The following ROR2 variants were observed in gnomAD, a reference collection of about 807,000 sequenced individuals.
ROR2 encodes tyrosine-protein kinase transmembrane receptor ROR2.
ROR2 carries 33 observed loss-of-function variants against 74.9 expected under a neutral mutation model. The ratio of observed to expected loss-of-function variants is 0.44; its 90% CI spans 0.33 to 0.59. The LOEUF (loss-of-function observed/expected upper bound fraction) is 0.59, where lower values mean the gene tolerates loss of function less well. Among genes scored for constraint, ROR2 ranks in the 20% least tolerant of loss-of-function variants. ROR2 has a pLI of 0.02. For synonymous variants in ROR2, 586 were observed against 558.7 expected, an observed-to-expected ratio of 1.05 and a Z score of -0.69; for missense variants, 1,216 against 1,313.8, an observed-to-expected ratio of 0.93 and a Z score of 1.15.
At position 91,723,972 on chromosome 9, in the gene ROR2, T is replaced by C; in HGVS notation, c.2522A>G (p.Gln841Arg). 1 of 1,613,160 alleles carries C rather than the reference T, an allele frequency of 6.2e-7. No individual in the cohort carries two copies. Among genetic ancestry groups the C allele is most frequent in the Non-Finnish European group, 8.5e-7 (1 of 1,180,024 alleles). ...CTGCGGGGCCATCTGCATTGGGATC[T>C]GCACCGGGTAGAAGTTGGGCAGGTA... ...GAYLPNFYPV[Q>R]IPMQMAPQQV... Residue 841 changes from glutamine to arginine, a missense_variant, in exon 9 of 9, where the codon CAG becomes CGG. Gln to Arg is a conservative substitution (Grantham distance 43). Coordinates refer to ENST00000375708, the MANE Select transcript of ROR2 (RefSeq NM_004560.4).
intron 4 of ROR2, among the ~76,000 whole-genome samples, chr9:91,751,321 C>A (rs768515944): frequency 6.6e-6 from 1 of 152,164 alleles, no homozygotes; most frequent in Non-Finnish European, 1.5e-5. Context: ...AAGGTCTCCA[C>A]ATCAACCTCC....
At chr9:91,744,786 GA>G (rs1825355692) in intron 4 of ROR2, among the ~76,000 whole-genome samples, 1 of 152,222 alleles carries the variant, frequency 6.6e-6, no homozygotes, top group Non-Finnish European at 1.5e-5. Context: ...CAGAGGCAGA[GA>G]AGACAATGGC....
intron 1 of ROR2, among the ~76,000 whole-genome samples, chr9:91,787,066 G>C (rs534372491): frequency 6.0e-4 from 91 of 152,318 alleles, no homozygotes; most frequent in African/African-American, 2.0e-3. Flanking sequence ...CCTGAAGCTG[G>C]ACAGCATGTC....
chr9:91,927,562 CTTTT>C (rs775823582), intron 1 of ROR2, among the ~76,000 whole-genome samples: 6 of 94,942 alleles, frequency 6.3e-5, no homozygotes, highest in Admixed American at 1.4e-4. Flanking sequence ...TTTCTAGATT[CTTTT>C]TTTTTTTTTT....
chr9:91,752,162 CAGG>C (rs1825613270), intron 4 of ROR2, among the ~76,000 whole-genome samples: 1 of 152,166 alleles, frequency 6.6e-6, no homozygotes, highest in Non-Finnish European at 1.5e-5. Flanking sequence ...AAAAAGAGTT[CAGG>C]AGAAGGCCCA....
intron 1 of ROR2, among the ~76,000 whole-genome samples, chr9:91,897,326 A>C (rs140891558): frequency 6.6e-6 from 1 of 152,398 alleles, no homozygotes; most frequent in Non-Finnish European, 1.5e-5. Flanking sequence ...AAGGGGAAGC[A>C]GGGAAGACAT....
At chr9:91,792,395 G>A (rs1174919834) in intron 1 of ROR2, among the ~76,000 whole-genome samples, 7 of 133,024 alleles carry the variant, frequency 5.3e-5, no homozygotes, top group African/African-American at 8.9e-5. Flanking sequence ...GCAAGCTCCC[G>A]CCTCCCGGGT....
intron 2 of ROR2, among the ~76,000 whole-genome samples, chr9:91,764,663 C>CA (rs1257335515): frequency 1.3e-5 from 2 of 152,004 alleles, no homozygotes; most frequent in Admixed American, 6.6e-5. Flanking sequence ...TTTTTACTGT[C>CA]AGAGTATTTT....
At chr9:91,739,868 A>T (rs2118742413) in intron 4 of ROR2, among the ~76,000 whole-genome samples, 1 of 152,342 alleles carries the variant, frequency 6.6e-6, no homozygotes, top group Admixed American at 6.5e-5. Flanking sequence ...CACTACCAAC[A>T]TAAATGGAAG....
At chr9:91,746,978 C>T (rs1433441108) in intron 4 of ROR2, among the ~76,000 whole-genome samples, 3 of 152,014 alleles carry the variant, frequency 2.0e-5, no homozygotes, top group African/African-American at 4.8e-5. Context: ...GCTCTGACTT[C>T]GGGAAGGCAG....
intron 2 of ROR2, among the ~76,000 whole-genome samples, chr9:91,773,200 C>T (rs1200759538): frequency 6.6e-6 from 1 of 152,130 alleles, no homozygotes; most frequent in Non-Finnish European, 1.5e-5. Context: ...AGGTTTGCAG[C>T]GCATCTGAAA....
chr9:91,891,826 T>G (rs954583443), intron 1 of ROR2, among the ~76,000 whole-genome samples: 1 of 151,692 alleles, frequency 6.6e-6, no homozygotes, highest in African/African-American at 2.4e-5. Flanking sequence ...GACGGGAGAA[T>G]CACTTGAGGT....
chr9:91,734,472 T>C (rs947681218), intron 5 of ROR2, among the ~76,000 whole-genome samples: 3 of 152,070 alleles, frequency 2.0e-5, no homozygotes, highest in Admixed American at 6.5e-5. Flanking sequence ...TTGGCGATTA[T>C]TTGGTGATTA....
At chr9:91,931,707 A>G (rs1237909129) in intron 1 of ROR2, among the ~76,000 whole-genome samples, 2 of 152,186 alleles carry the variant, frequency 1.3e-5, no homozygotes, top group Non-Finnish European at 2.9e-5. Flanking sequence ...AACTCCCTAC[A>G]AGTATTAAAA....
chr9:91,747,789 A>G (rs1825472414), intron 4 of ROR2, among the ~76,000 whole-genome samples: 1 of 152,166 alleles, frequency 6.6e-6, no homozygotes, highest in African/African-American at 2.4e-5. Context: ...AATCAGGGTC[A>G]CTGGGGAAAA....
At chr9:91,941,979 C>T (rs943456401) in intron 1 of ROR2, among the ~76,000 whole-genome samples, 4 of 152,020 alleles carry the variant, frequency 2.6e-5, no homozygotes, top group Non-Finnish European at 4.4e-5. Context: ...TTAGTGAGGA[C>T]GAGGTTTCAC....
At chr9:91,949,723 C>A in intron 1 of ROR2, 144 bp downstream of exon 1, 1 of 673,526 alleles carries the variant, frequency 1.5e-6, no homozygotes, top group African/African-American at 1.8e-5. Context: ...CGGCGTCGGG[C>A]GAGATGCGAA....
intron 1 of ROR2, among the ~76,000 whole-genome samples, chr9:91,945,852 C>T (rs1304178890): frequency 1.3e-5 from 2 of 152,348 alleles, no homozygotes; most frequent in East Asian, 3.9e-4. Flanking sequence ...AAAGCTGTCC[C>T]GCCCTCGTTT....
chr9:91,839,814 A>G (rs1828730022), intron 1 of ROR2, among the ~76,000 whole-genome samples: 2 of 152,018 alleles, frequency 1.3e-5, no homozygotes, highest in Admixed American at 1.3e-4. Context: ...CGGGAGCCAG[A>G]AGTCGGTTTT....
Sources: gnomAD v4.1 joint callset for allele counts (sites outside exome capture counted in the v4.1 genomes callset) on GRCh38, gnomAD v4.1.1 for gene constraint, MANE v1.5 for transcripts, NCBI Gene and HGNC (gene_info 2026-07-23, HGNC 2026-07-21) for gene names.